CDH26: variants seen among roughly 807,000 people sequenced by gnomAD.
The protein encoded by CDH26 is cadherin-like protein 26.
CDH26 carries 83 observed loss-of-function variants against 90.3 expected under a neutral mutation model. The observed-to-expected ratio is 0.92, with a 90% CI of 0.77 to 1.10. The LOEUF (loss-of-function observed/expected upper bound fraction) is 1.10. CDH26 is among the 50% of genes least tolerant of loss of function. The probability of loss-of-function intolerance (pLI) is 0.00; values close to 1 mark genes in which losing one functional copy is unlikely to be tolerated. For missense variants in CDH26, 1,013 were observed against 1,037.6 expected (o/e 0.98, Z 0.33); for synonymous variants, 397 against 396.3 (o/e 1.00, Z -0.02).
chr20:59,970,288 GC>G, intron 3 of CDH26, 102 bp downstream of exon 3: 1 of 1,474,850 alleles, frequency 6.8e-7, no homozygotes, highest in Non-Finnish European at 9.0e-7. Context: ...TGCTAGTGAG[GC>G]CAGGGAGTGA....
At chr20:60,000,513 A>T (rs928888989) in intron 14 of CDH26, among the ~76,000 whole-genome samples, 2 of 152,108 alleles carry the variant, frequency 1.3e-5, no homozygotes, top group African/African-American at 4.8e-5. Context: ...GGCTGGCGAG[A>T]GCCTTCTCTT....
At chr20:59,967,112 T>C (rs1181718074) in intron 1 of CDH26, among the ~76,000 whole-genome samples, 1 of 152,140 alleles carries the variant, frequency 6.6e-6, no homozygotes, top group Non-Finnish European at 1.5e-5. Context: ...CACAGATACA[T>C]ATAGTGAAGG....
Position 59,992,063 on chromosome 20 carries a change from G to A in CDH26, c.1284-315G>A, listed in dbSNP as rs543650049. Among the ~76,000 whole-genome samples, 1 of 152,306 alleles carries A rather than the reference G, an allele frequency of 6.6e-6. No homozygotes were observed. Among genetic ancestry groups the A allele is most frequent in the East Asian group, 1.9e-4 (1 of 5,170 alleles). On this transcript the variant is annotated intron_variant, in intron 9 of 17. Transcript: ENST00000348616. The surrounding 1 kb of genome is among the most constrained non-coding windows in gnomAD (Gnocchi z 5.0). ...CTAACATCATCTACAGGCCACTGAA[G>A]ATGGGTTCCTTTCCAGGATGAATCA... is the stretch of plus-strand genomic sequence containing the variant.
chr20:60,035,705 G>A (rs192783422), downstream of CDH26, among the ~76,000 whole-genome samples: 543 of 152,226 alleles, frequency 3.6e-3, 1 homozygote, highest in African/African-American at 0.012. Flanking sequence ...GAGGTGATTG[G>A]ATCACGGGGG....
In CDH26 at chr20:59,972,124, G is replaced by A. The variant is rs1434203579; in HGVS notation, c.393+1G>A. The A allele has an allele frequency of 2.5e-6, 4 of 1,613,170 alleles. No homozygotes were observed. The highest frequency in any genetic ancestry group is 3.4e-6 in the Non-Finnish European group (4 of 1,179,480). ...TCGAGAAATGACACCATCTTTCACG[G>A]TATCTAAAACTTGATATATTCTAAG... On this transcript the variant is annotated splice_donor_variant, in intron 4 of 17. Coordinates refer to ENST00000348616, the MANE Select transcript of CDH26 (RefSeq NM_177980.4). LOFTEE classifies it high-confidence loss of function.
intron 9 of CDH26, among the ~76,000 whole-genome samples, chr20:59,990,297 T>A (rs1475956724): frequency 6.6e-6 from 1 of 152,310 alleles, no homozygotes; most frequent in African/African-American, 2.4e-5. Context: ...AATCTCTTGA[T>A]GTTCTTGAAG....
At chr20:60,010,901 G>A (rs2061828132) in intron 17 of CDH26, among the ~76,000 whole-genome samples, 1 of 152,240 alleles carries the variant, frequency 6.6e-6, no homozygotes, top group Admixed American at 6.5e-5. Context: ...ACTCAGAACT[G>A]GAAATGGGGC....
At chr20:60,002,915 T>C in intron 16 of CDH26, 49 bp downstream of exon 16, 1 of 1,389,296 alleles carries the variant, frequency 7.2e-7, no homozygotes, top group Non-Finnish European at 9.8e-7. Context: ...CTTATTGTTC[T>C]GCCTAAAAGC....
intron 1 of CDH26, among the ~76,000 whole-genome samples, chr20:59,966,376 TG>T (rs761280284): frequency 2.6e-5 from 4 of 151,956 alleles, no homozygotes; most frequent in Non-Finnish European, 5.9e-5. Context: ...TCACGAAGAG[TG>T]TTTAAAAGAT....
At position 59,992,629 on chromosome 20, in the gene CDH26, C is replaced by T. The variant is rs762638093; in HGVS notation, c.1426+109C>T. On this transcript the variant is annotated intron_variant, in intron 10 of 17. Coordinates refer to ENST00000348616, the MANE Select transcript of CDH26 (RefSeq NM_177980.4). The surrounding 1 kb of genome is among the most constrained non-coding windows in gnomAD (Gnocchi z 5.0). ...ACAGCAGAGAAAAGGATAAAATAAACCTTGTTATCACTCTGCATCCATGCT... is the reference window on the plus strand; with the variant it reads ...ACAGCAGAGAAAAGGATAAAATAAATCTTGTTATCACTCTGCATCCATGCT... The T allele has an allele frequency of 1.8e-6, 2 of 1,109,866 alleles. No individual in the cohort carries two copies. The highest frequency in any genetic ancestry group is 1.3e-6 in the Non-Finnish European group (1 of 760,244). 68.8% of individuals were successfully genotyped at this position (1,109,866 alleles called of 1,614,324 possible). A position where few individuals can be genotyped will look rare whatever the true frequency, so the allele number is the denominator to read the frequency against.
chr20:60,001,201 G>A (rs894555183), intron 14 of CDH26, 142 bp from the exon 15 acceptor site: 23 of 903,522 alleles, frequency 2.5e-5, no homozygotes, highest in South Asian at 1.3e-4. Flanking sequence ...CTCCCACCGC[G>A]CCCTCCCTCT....
Position 60,006,778 on chromosome 20 carries a change from A to T in CDH26, c.2286A>T (p.Thr762=), listed in dbSNP as rs943732654. Residue 762 remains threonine (T), a synonymous_variant, in exon 17 of 18, where the codon ACA becomes ACT. Coordinates refer to ENST00000348616, the MANE Select transcript of CDH26 (RefSeq NM_177980.4). ...LAPVEGRMAE[T]LNQKLHVANV... is the part of the protein sequence containing the mutation. ...CGGTGGAAGGAAGGATGGCAGAGAC[A>T]TTGAATCAGGTAGGGAGAGCTCCCC... is the stretch of plus-strand genomic sequence containing the variant. 1 of 1,613,712 alleles carries T rather than the reference A, an allele frequency of 6.2e-7. No homozygotes were observed. Among genetic ancestry groups the T allele is most frequent in the Non-Finnish European group, 8.5e-7 (1 of 1,179,582 alleles).
chr20:60,019,907 C>T (rs1230330410), intron 7 of CDH26, among the ~76,000 whole-genome samples: 2 of 152,094 alleles, frequency 1.3e-5, no homozygotes, highest in Non-Finnish European at 2.9e-5. Context: ...TGATGGGGTG[C>T]ATTGGCTTTG....
At chr20:60,028,218 C>T (rs1223837784) in intron 7 of CDH26, among the ~76,000 whole-genome samples, 1 of 152,240 alleles carries the variant, frequency 6.6e-6, no homozygotes, top group African/African-American at 2.4e-5. Context: ...TCTTCCCACT[C>T]ACTCTTGCAA....
chr20:60,001,278 C>T (rs977377126), intron 14 of CDH26, 65 bp from the exon 15 acceptor site: 7 of 1,600,784 alleles, frequency 4.4e-6, no homozygotes, highest in Non-Finnish European at 3.4e-6. Context: ...GTCACGCATG[C>T]CCACTTTGTT....
At chr20:60,028,921 G>GA (rs941946012) in intron 7 of CDH26, among the ~76,000 whole-genome samples, 69 of 152,218 alleles carry the variant, frequency 4.5e-4, no homozygotes, top group African/African-American at 1.5e-3. Flanking sequence ...CCATGGTGTG[G>GA]AAAAAACCTC....
At chr20:60,014,754 A>G (rs1306922208), downstream of CDH26, among the ~76,000 whole-genome samples, 1 of 152,186 alleles carries the variant, frequency 6.6e-6, no homozygotes, top group African/African-American at 2.4e-5. Context: ...TAGTGGTGTA[A>G]TAAACATGAG....
chr20:59,993,318 T>C (rs770826843), intron 10 of CDH26, among the ~76,000 whole-genome samples: 6 of 152,224 alleles, frequency 3.9e-5, no homozygotes, highest in African/African-American at 1.4e-4. Context: ...TTTGGTTACG[T>C]AGATGAATTA....
At chr20:60,005,850 G>C (rs778401553) in intron 16 of CDH26, among the ~76,000 whole-genome samples, 4 of 152,070 alleles carry the variant, frequency 2.6e-5, no homozygotes, top group Non-Finnish European at 4.4e-5. Context: ...CTCACGTATG[G>C]CTTCAACTTG....
Sources: gnomAD v4.1 joint callset for allele counts (sites outside exome capture counted in the v4.1 genomes callset) on GRCh38, gnomAD v4.1.1 for gene constraint, Gnocchi (gnomAD v3.1) non-coding constraint, MANE v1.5 for transcripts, NCBI Gene and HGNC (gene_info 2026-07-23, HGNC 2026-07-21) for gene names.